Variants in SH3PXD2A observed in about 807,000 individuals in gnomAD.
The protein encoded by SH3PXD2A is SH3 and PX domains 2A, also known as SH3 and PX domain-containing protein 2A.
SH3PXD2A carries 32 observed loss-of-function variants against 115.2 expected under a neutral mutation model. That is an observed-to-expected ratio of 0.28 (90% CI 0.21 to 0.37). The LOEUF (loss-of-function observed/expected upper bound fraction) is 0.37. Among genes scored for constraint, SH3PXD2A ranks in the 10% least tolerant of loss-of-function variants. The probability of loss-of-function intolerance (pLI) is 1.00; values close to 1 mark genes in which losing one functional copy is unlikely to be tolerated. For synonymous variants in SH3PXD2A, 610 were observed against 629.1 expected (o/e 0.97, Z 0.45); for missense variants, 1,328 against 1,498.7 (o/e 0.89, Z 1.88).
chr10:103,602,082 G>T lies in SH3PXD2A; in HGVS notation c.3136C>A (p.Leu1046Met). 1 of 1,600,516 alleles carries T rather than the reference G, an allele frequency of 6.2e-7. No homozygotes were observed. Among genetic ancestry groups the T allele is most frequent in the South Asian group, 1.1e-5 (1 of 88,712 alleles). Residue 1046 changes from leucine to methionine, a missense_variant, in exon 15 of 15, where the codon CTG (leucine) becomes ATG (methionine). Transcript: ENST00000369774. ...GGTATGCTGTTGCGCTGGGCGGGCA[G>T]TAGGGGTGAGTCTGAACCCTGGCTG... ...AASQGSDSPL[L>M]PAQRNSIPVS...
At chr10:103,762,915 C>T (rs2038715916) in intron 3 of SH3PXD2A, among the ~76,000 whole-genome samples, 2 of 151,632 alleles carry the variant, frequency 1.3e-5, no homozygotes, top group African/African-American at 4.9e-5. Context: ...CCAACCTCAG[C>T]ACCACTGCAC....
At chr10:103,775,929 A>T (rs1589450237) in intron 2 of SH3PXD2A, among the ~76,000 whole-genome samples, 2 of 152,310 alleles carry the variant, frequency 1.3e-5, no homozygotes, top group East Asian at 3.9e-4. Flanking sequence ...TGCCTGCTCG[A>T]TAATAACACA....
chr10:103,603,042 C>T lies in SH3PXD2A; in HGVS notation c.2176G>A (p.Ala726Thr), dbSNP rs371681573. ...GDLKPRSASD[A>T]GIRGTPKVRA... ...ACCTTGGGAGTGCCGCGGATGCCTGCGTCCGAAGCAGAGCGGGGCTTCAGG... is the reference window on the plus strand; with the variant it reads ...ACCTTGGGAGTGCCGCGGATGCCTGTGTCCGAAGCAGAGCGGGGCTTCAGG... Residue 726 changes from alanine to threonine, a missense_variant, in exon 15 of 15, where the codon GCA becomes ACA. Ala to Thr is a moderately conservative substitution (Grantham distance 58). Transcript: ENST00000369774. 21 of 1,613,842 alleles carry T rather than the reference C, an allele frequency of 1.3e-5. No homozygotes were observed. Among genetic ancestry groups the T allele is most frequent in the South Asian group, 3.3e-5 (3 of 91,092 alleles).
At position 103,597,124 on chromosome 10, in the gene SH3PXD2A, C is replaced by T. The variant is rs909648799; in HGVS notation, c.*4692G>A. ...CCGGAGCAGAATTTGTATGGACTCTCTGGGTGTGGAGCCCAGGCAGGGCTC... is the reference window on the plus strand; with the variant it reads ...CCGGAGCAGAATTTGTATGGACTCTTTGGGTGTGGAGCCCAGGCAGGGCTC... On this transcript the variant is annotated 3_prime_UTR_variant, in exon 15 of 15. Transcript: ENST00000369774. 10 of 152,676 alleles carry T rather than the reference C, an allele frequency of 6.5e-5. No individual in the cohort carries two copies. The highest frequency in any genetic ancestry group is 1.5e-4 in the Non-Finnish European group (10 of 68,074). 9.5% of individuals were successfully genotyped at this position (152,676 alleles called of 1,614,324 possible).
At chr10:103,724,804 C>A (rs1381078771) in intron 4 of SH3PXD2A, among the ~76,000 whole-genome samples, 1 of 151,864 alleles carries the variant, frequency 6.6e-6, no homozygotes, top group Non-Finnish European at 1.5e-5. Context: ...AAAAAAAAGA[C>A]CACTGAACCC....
At chr10:103,774,271 C>T (rs186665238) in intron 2 of SH3PXD2A, among the ~76,000 whole-genome samples, 86 of 152,234 alleles carry the variant, frequency 5.6e-4, no homozygotes, top group Admixed American at 1.6e-3. Context: ...CTCTGTTATA[C>T]GGATTGGATC....
At chr10:103,612,788 CG>C in intron 12 of SH3PXD2A, 64 bp downstream of exon 12, 1 of 1,228,622 alleles carries the variant, frequency 8.1e-7, no homozygotes, top group Non-Finnish European at 1.1e-6. Context: ...CTGGCTTTCA[CG>C]GCACCCATGC....
chr10:103,760,534 T>G (rs1323552372), intron 3 of SH3PXD2A, among the ~76,000 whole-genome samples: 1 of 152,088 alleles, frequency 6.6e-6, no homozygotes, highest in South Asian at 2.1e-4. Flanking sequence ...TGTACTACTG[T>G]ACTCCAGCCT....
chr10:103,669,455 T>A (rs2037428689), intron 6 of SH3PXD2A, among the ~76,000 whole-genome samples: 1 of 152,252 alleles, frequency 6.6e-6, no homozygotes, highest in Non-Finnish European at 1.5e-5. Context: ...CATTAACATC[T>A]GAATGAGGCA....
intron 5 of SH3PXD2A, among the ~76,000 whole-genome samples, chr10:103,716,834 T>G (rs1337236247): frequency 2.0e-5 from 3 of 152,212 alleles, no homozygotes; most frequent in Non-Finnish European, 4.4e-5. Flanking sequence ...GGCTGCAACC[T>G]CAGCCCTGAG....
At chr10:103,819,467 C>A (rs1402472454) in intron 1 of SH3PXD2A, among the ~76,000 whole-genome samples, 1 of 152,044 alleles carries the variant, frequency 6.6e-6, no homozygotes, top group Non-Finnish European at 1.5e-5. Flanking sequence ...CCTGGGAGAG[C>A]CAGGGCCAGC....
rs148755967 is a variant in SH3PXD2A at position 103,783,513 on chromosome 10, A to T, written c.154-16344T>A. On this transcript the variant is annotated intron_variant, in intron 2 of 14. Coordinates refer to ENST00000369774, the MANE Select transcript of SH3PXD2A (RefSeq NM_001394015.1). ...GACTTGCTATTGGGCTGGATATGGG[A>T]CATGACTGGCCAGGTGTGGGGTGGT... 7.7e-3 allele frequency among the ~76,000 whole-genome samples: 1,169 copies of T among 152,246 alleles called. 10 individuals carry two copies. Among genetic ancestry groups the T allele is most frequent in the Middle Eastern group, 0.024 (7 of 294 alleles).
chr10:103,638,007 CT>C (rs1465539064), intron 8 of SH3PXD2A, among the ~76,000 whole-genome samples: 9 of 152,234 alleles, frequency 5.9e-5, no homozygotes, highest in Admixed American at 5.9e-4. Flanking sequence ...CAGGCCTCCC[CT>C]GGTCAGAAAG....
intron 8 of SH3PXD2A, among the ~76,000 whole-genome samples, chr10:103,634,999 C>T (rs578235960): frequency 5.3e-5 from 8 of 152,244 alleles, no homozygotes; most frequent in South Asian, 2.1e-4. Context: ...TCAGCACCCA[C>T]GGGTGGCCAG....
intron 1 of SH3PXD2A, among the ~76,000 whole-genome samples, chr10:103,819,187 C>T (rs578046970): frequency 3.3e-5 from 5 of 152,302 alleles, no homozygotes; most frequent in Admixed American, 6.5e-5. Flanking sequence ...CAGCTCCAGT[C>T]CCAGGGAGCT....
chr10:103,706,012 A>G (rs948905272), intron 5 of SH3PXD2A, among the ~76,000 whole-genome samples: 1 of 151,992 alleles, frequency 6.6e-6, no homozygotes, highest in African/African-American at 2.4e-5. Flanking sequence ...AAGAAAAAAA[A>G]AAAAAAAGAA....
At chr10:103,853,105 C>T (rs911530046) in intron 1 of SH3PXD2A, among the ~76,000 whole-genome samples, 4 of 152,120 alleles carry the variant, frequency 2.6e-5, no homozygotes, top group Admixed American at 6.5e-5. Context: ...TCACTCCCTG[C>T]CCCCCCAAAC....
At chr10:103,687,544 C>T (rs181090623) in intron 6 of SH3PXD2A, among the ~76,000 whole-genome samples, 8 of 152,226 alleles carry the variant, frequency 5.3e-5, no homozygotes, top group Admixed American at 6.5e-5. Flanking sequence ...GTCCAACACC[C>T]GCAGTGCCTT....
At chr10:103,818,953 C>T (rs2039350418) in intron 1 of SH3PXD2A, among the ~76,000 whole-genome samples, 3 of 152,222 alleles carry the variant, frequency 2.0e-5, no homozygotes. Flanking sequence ...TTCCCCCAAC[C>T]CATTCCCAGA....
Sources: allele counts gnomAD v4.1 joint callset (sites outside exome capture counted in the v4.1 genomes callset), GRCh38; gene constraint gnomAD v4.1.1; transcripts MANE v1.5; gene names NCBI Gene and HGNC (gene_info 2026-07-23, HGNC 2026-07-21).